Variants in SLC13A3 observed in about 807,000 individuals in gnomAD.
SLC13A3 encodes solute carrier family 13 member 3.
A neutral mutation model predicts 59.0 loss-of-function variants in SLC13A3; 40 were observed. The ratio of observed to expected loss-of-function variants is 0.68; its 90% confidence interval spans 0.53 to 0.88. The LOEUF (loss-of-function observed/expected upper bound fraction) is 0.88, where lower values mean the gene tolerates loss of function less well. SLC13A3 is among the 40% of genes least tolerant of loss of function. SLC13A3 has a pLI of 0.00. For missense variants in SLC13A3, 699 were observed against 783.2 expected (o/e 0.89, Z 1.28); for synonymous variants, 317 against 330.3 (o/e 0.96, Z 0.44).
At chr20:46,565,717 T>C (rs1029103611) in intron 11 of SLC13A3, among the ~76,000 whole-genome samples, 2 of 152,048 alleles carry the variant, frequency 1.3e-5, no homozygotes, top group Non-Finnish European at 2.9e-5. Flanking sequence ...TAGGAGACAT[T>C]TGGATTGTCA....
chr20:46,672,371 G>C (rs1176952736), upstream of SLC13A3, among the ~76,000 whole-genome samples: 1 of 152,222 alleles, frequency 6.6e-6, no homozygotes, highest in Non-Finnish European at 1.5e-5. Flanking sequence ...CAGGAGTATG[G>C]ATTTTGGAAT....
chr20:46,588,129 T>G lies in SLC13A3; in HGVS notation c.1051A>C (p.Met351Leu). The G allele has an allele frequency of 6.2e-7, 1 of 1,612,864 alleles. No individual in the cohort carries two copies. The highest frequency in any genetic ancestry group is 8.5e-7 in the Non-Finnish European group (1 of 1,179,358). ...CGGGTGAAGAGGAGGATGGCAAACA[T>G]GCAGAAAAGGATGAAAACAGCCTGT... Reference protein sequence around the residue: ...AEQAVFILFCMFAILLFTRDP... With the variant: ...AEQAVFILFCLFAILLFTRDP... Residue 351 changes from methionine to leucine, a missense_variant, in exon 8 of 13, where the codon ATG (methionine) becomes CTG (leucine). Physicochemically the swap from Met to Leu is conservative, Grantham distance 15. Coordinates refer to ENST00000279027, the MANE Select transcript of SLC13A3 (RefSeq NM_022829.6).
At chr20:46,680,499 T>G (rs1197434445) in intron 1 of SLC13A3, among the ~76,000 whole-genome samples, 1 of 151,604 alleles carries the variant, frequency 6.6e-6, no homozygotes, top group African/African-American at 2.4e-5. Flanking sequence ...GCAGGGAGAG[T>G]GGTCAGCAGT....
chr20:46,681,998 T>C (rs1224851932), intron 1 of SLC13A3: 2 of 152,168 alleles, frequency 1.3e-5, no homozygotes, highest in Non-Finnish European at 1.5e-5. Flanking sequence ...GGGCATTCAG[T>C]TTCCAACACA....
intron 1 of SLC13A3, among the ~76,000 whole-genome samples, chr20:46,628,992 T>C (rs2062708238): frequency 6.6e-6 from 1 of 152,216 alleles, no homozygotes; most frequent in African/African-American, 2.4e-5. Context: ...AATAATAATA[T>C]TGGGATGTCT....
At position 46,589,236 on chromosome 20, in the gene SLC13A3, A is replaced by T; in HGVS notation, c.940T>A (p.Ser314Thr). ...TCTTCTGCATTGGTTCTTATCTCAGATTTATTCTTCCTCCAGCCCCTGAAA... is the reference window on the plus strand; with the variant it reads ...TCTTCTGCATTGGTTCTTATCTCAGTTTTATTCTTCCTCCAGCCCCTGAAA... Reference protein sequence around the residue: ...LSFRGWRKNKSEIRTNAEDRA... With the variant: ...LSFRGWRKNKTEIRTNAEDRA... Residue 314 changes from serine to threonine, a missense_variant, in exon 7 of 13, where the codon TCT (serine) becomes ACT (threonine). Coordinates refer to ENST00000279027, the MANE Select transcript of SLC13A3 (RefSeq NM_022829.6). 6.2e-7 allele frequency: 1 copy of T among 1,614,080 alleles called. No individual in the cohort carries two copies. The highest frequency in any genetic ancestry group is 1.7e-5 in the Admixed American group (1 of 60,024).
intron 1 of SLC13A3, among the ~76,000 whole-genome samples, chr20:46,618,375 A>G (rs1024186831): frequency 2.0e-5 from 3 of 152,230 alleles, no homozygotes; most frequent in African/African-American, 7.2e-5. Context: ...GCAAAGGTGA[A>G]AGGCAGCTGT....
upstream of SLC13A3, among the ~76,000 whole-genome samples, chr20:46,672,892 T>C (rs993403409): frequency 2.0e-5 from 3 of 152,158 alleles, no homozygotes; most frequent in Admixed American, 6.5e-5. Flanking sequence ...TTCATCTGAA[T>C]GGCTGAGTGA....
At chr20:46,583,019 T>C in intron 9 of SLC13A3, 1 of 986,102 alleles carries the variant, frequency 1.0e-6, no homozygotes, top group Non-Finnish European at 1.2e-6. Flanking sequence ...ACCCAGCTTG[T>C]GTTTTCCATG....
chr20:46,654,665 G>T (rs1297972701), upstream of SLC13A3, among the ~76,000 whole-genome samples: 1 of 152,092 alleles, frequency 6.6e-6, no homozygotes, highest in Non-Finnish European at 1.5e-5. Flanking sequence ...GAGTAGCTGG[G>T]ATTACAGGCA....
At position 46,610,051 on chromosome 20, in the gene SLC13A3, T is replaced by C. The variant is rs1371699292; in HGVS notation, c.541+395A>G. 3.3e-5 allele frequency among the ~76,000 whole-genome samples: 5 copies of C among 152,232 alleles called. No individual in the cohort carries two copies. In the East Asian group the frequency reaches 7.7e-4, roughly 23 times the overall value. On this transcript the variant is annotated intron_variant, in intron 3 of 12. Coordinates refer to ENST00000279027, the MANE Select transcript of SLC13A3 (RefSeq NM_022829.6). ...ACATGGGGATTCATCAGCTTCCTTATTTCTGCCTGTCTCATTGATTAAAAT... is the reference window on the plus strand; with the variant it reads ...ACATGGGGATTCATCAGCTTCCTTACTTCTGCCTGTCTCATTGATTAAAAT...
chr20:46,641,775 C>A (rs981439591), intron 1 of SLC13A3, among the ~76,000 whole-genome samples: 1 of 152,186 alleles, frequency 6.6e-6, no homozygotes, highest in African/African-American at 2.4e-5. Context: ...GGAGGGACTG[C>A]CCCTTCCCAG....
intron 9 of SLC13A3, chr20:46,582,830 G>A: frequency 1.0e-6 from 1 of 985,412 alleles, no homozygotes; most frequent in South Asian, 4.7e-5. Context: ...GCAGCCTCAG[G>A]TGTTGGCGTC....
intron 1 of SLC13A3, among the ~76,000 whole-genome samples, chr20:46,659,252 T>G (rs1333444971): frequency 6.6e-6 from 1 of 152,262 alleles, no homozygotes; most frequent in East Asian, 1.9e-4. Flanking sequence ...CCTCTCTTGC[T>G]TTCTTTTGTA....
At chr20:46,663,937 G>C (rs1021846410) in intron 1 of SLC13A3, among the ~76,000 whole-genome samples, 5 of 152,204 alleles carry the variant, frequency 3.3e-5, no homozygotes, top group African/African-American at 1.2e-4. Context: ...CCTGAAAGTA[G>C]TAATATTAAA....
At chr20:46,611,782 T>A (rs951023256) in intron 2 of SLC13A3, among the ~76,000 whole-genome samples, 13 of 152,180 alleles carry the variant, frequency 8.5e-5, no homozygotes, top group Non-Finnish European at 1.0e-4. Flanking sequence ...ACAAGGCAGC[T>A]AAGACGAATC....
intron 3 of SLC13A3, chr20:46,608,881 G>A: frequency 6.5e-7 from 1 of 1,549,146 alleles, no homozygotes; most frequent in Non-Finnish European, 8.7e-7. Flanking sequence ...CTGTCTTTGG[G>A]TCCCAGGTGC....
chr20:46,673,362 G>C (rs1333340020), upstream of SLC13A3, among the ~76,000 whole-genome samples: 1 of 152,204 alleles, frequency 6.6e-6, no homozygotes, highest in African/African-American at 2.4e-5. Flanking sequence ...ACAGTGCTAG[G>C]CATTTACATG....
upstream of SLC13A3, among the ~76,000 whole-genome samples, chr20:46,674,135 G>A (rs995742023): frequency 3.3e-5 from 5 of 152,122 alleles, no homozygotes; most frequent in African/African-American, 7.2e-5. Flanking sequence ...CCACAGAAGG[G>A]ACTTTCGGTT....
Sources: allele counts gnomAD v4.1 joint callset (sites outside exome capture counted in the v4.1 genomes callset), GRCh38; gene constraint gnomAD v4.1.1; transcripts MANE v1.5; gene names NCBI Gene and HGNC (gene_info 2026-07-23, HGNC 2026-07-21).